RPE65: variants seen among roughly 807,000 people sequenced by gnomAD.
RPE65 encodes retinoid isomerohydrolase RPE65.
Under a neutral mutation model 68.5 loss-of-function variants are expected in RPE65, and 58 were observed. That is an observed-to-expected ratio of 0.85 (90% CI 0.69 to 1.05). RPE65 has a LOEUF of 1.05. Among genes scored for constraint, RPE65 ranks in the 50% least tolerant of loss-of-function variants. The probability of loss-of-function intolerance (pLI) is 0.00; values close to 1 mark genes in which losing one functional copy is unlikely to be tolerated. For missense variants in RPE65, 643 were observed against 629.9 expected (o/e 1.02, Z -0.22); for synonymous variants, 220 against 222.2 (o/e 0.99, Z 0.09).
At position 68,438,245 on chromosome 1, in the gene RPE65, G is replaced by A; in HGVS notation, c.1070C>T (p.Ala357Val). The A allele has an allele frequency of 6.2e-7, 1 of 1,613,790 alleles. No homozygotes were observed. Among genetic ancestry groups the A allele is most frequent in the Non-Finnish European group, 8.5e-7 (1 of 1,179,876 alleles). The change falls in exon 10 of 14, where the codon GCC (alanine) becomes GTC (valine). Residue 357 changes from alanine (A) to valine (V), a missense_variant. By Grantham distance (64) the Ala-to-Val change is moderately conservative (BLOSUM62 0). Coordinates refer to ENST00000262340, the MANE Select transcript of RPE65 (RefSeq NM_000329.3). The stretch of plus-strand genomic sequence containing the variant: ...AACTTCAGGTTGGGGAGCCTTTCTG[G>A]CATTTTTTTTCACCTCTTCCCAGTT... ...RENWEEVKKN[A>V]RKAPQPEVRR...
chr1:68,433,664 A>T (rs1460456950), intron 10 of RPE65, among the ~76,000 whole-genome samples: 1 of 152,156 alleles, frequency 6.6e-6, no homozygotes. Flanking sequence ...GAAGCCGGGA[A>T]ATGTAGCAGA....
intron 13 of RPE65, 138 bp downstream of exon 13, chr1:68,430,927 C>A (rs1292239504): frequency 1.4e-6 from 1 of 722,378 alleles, no homozygotes; most frequent in South Asian, 1.6e-5. Flanking sequence ...AGTTTTAATT[C>A]TTCAGTACTG....
rs1249568897 is a variant in RPE65, at chr1:68,429,542, T to G, written c.*234A>C. The G allele has an allele frequency of 3.6e-5, 19 of 523,672 alleles. No homozygotes were observed. Among genetic ancestry groups the G allele is most frequent in the African/African-American group, 3.3e-4 (17 of 52,208 alleles). The allele number at this position is 523,672 out of a possible 1,614,324, so 32.4% of individuals were successfully genotyped here. The stretch of plus-strand genomic sequence containing the variant: ...TGATTGCTAAATATTTAAGAGTTTT[T>G]CAGTTATGGCCTGTCTCACAGAGGA... On this transcript the variant is annotated 3_prime_UTR_variant, in exon 14 of 14. Transcript: ENST00000262340.
At chr1:68,440,594 T>C (rs1272712939) in intron 6 of RPE65, among the ~76,000 whole-genome samples, 1 of 152,210 alleles carries the variant, frequency 6.6e-6, no homozygotes. Flanking sequence ...TCCATATATA[T>C]ATATGTACTA....
chr1:68,434,457 A>T (rs912321613), intron 10 of RPE65, among the ~76,000 whole-genome samples: 3 of 152,066 alleles, frequency 2.0e-5, no homozygotes, highest in African/African-American at 7.2e-5. Flanking sequence ...AAATAGTGGA[A>T]GATTTTCAGA....
intron 10 of RPE65, among the ~76,000 whole-genome samples, chr1:68,432,055 T>C (rs1431136675): frequency 6.6e-6 from 1 of 151,436 alleles, no homozygotes; most frequent in African/African-American, 2.4e-5. Context: ...CTTACAGTTA[T>C]GTTGACAAAA....
Position 68,429,010 on chromosome 1 carries a change from C to G in RPE65, c.*766G>C, listed in dbSNP as rs1645801206. The G allele has an allele frequency of 6.6e-6, 1 of 151,544 alleles. No individual in the cohort carries two copies. The highest frequency in any genetic ancestry group is 1.5e-5 in the Non-Finnish European group (1 of 67,916). The allele number at this position is 151,544 out of a possible 1,614,324, so 9.4% of individuals were successfully genotyped here. A position where few individuals can be genotyped will look rare whatever the true frequency, so the allele number is the denominator to read the frequency against. ...TAATCCTGCAACATTATCCCATAAT[C>G]TGATTTTAGTAAATATTACATTTTT... On this transcript the variant is annotated 3_prime_UTR_variant, in exon 14 of 14. Transcript: ENST00000262340.
intron 3 of RPE65, among the ~76,000 whole-genome samples, chr1:68,446,390 T>A (rs1036260627): frequency 6.6e-6 from 1 of 152,194 alleles, no homozygotes; most frequent in Admixed American, 6.5e-5. Flanking sequence ...ATTCTATTAT[T>A]TCTCCCATTT....
At chr1:68,432,701 G>C (rs1340669331) in intron 10 of RPE65, among the ~76,000 whole-genome samples, 1 of 152,154 alleles carries the variant, frequency 6.6e-6, no homozygotes, top group African/African-American at 2.4e-5. Flanking sequence ...CTCTGTGAGT[G>C]AGTGATGGGA....
At position 68,441,054 on chromosome 1, in the gene RPE65, C is replaced by T. The variant is rs1235510277; in HGVS notation, c.496-54G>A. ...TTGAGAGAAGGAAGATACATTATAC[C>T]TTTGTCCCTAGGTCTGAGGTCATCA... On this transcript the variant is annotated intron_variant, in intron 5 of 13. Coordinates refer to ENST00000262340, the MANE Select transcript of RPE65 (RefSeq NM_000329.3). The T allele has an allele frequency of 2.0e-5, 32 of 1,604,718 alleles. No homozygotes were observed. In the East Asian group the frequency reaches 6.7e-4, roughly 34 times the overall value.
intron 10 of RPE65, among the ~76,000 whole-genome samples, chr1:68,433,065 GAGA>G (rs1645837964): frequency 1.3e-5 from 2 of 152,194 alleles, no homozygotes; most frequent in African/African-American, 4.8e-5. Context: ...GGGGGAAGAT[GAGA>G]AGTTCAAGTC....
chr1:68,444,796 G>T lies in RPE65; in HGVS notation c.333C>A (p.Pro111=). Residue 111 remains proline (P), a synonymous_variant, in exon 4 of 14, where the codon CCC becomes CCA. Transcript: ENST00000262340. ...TEFGTCAFPD[P]CKNIFSRFFS... Reference sequence around the variant, plus strand: ...GTAACCTGGAAAATATATTCTTGCAGGGATCTGGGAAAGCACAGGTGCCAA... The same window carrying T: ...GTAACCTGGAAAATATATTCTTGCATGGATCTGGGAAAGCACAGGTGCCAA... The T allele has an allele frequency of 6.8e-6, 11 of 1,614,152 alleles. No individual in the cohort carries two copies. Among genetic ancestry groups the T allele is most frequent in the Non-Finnish European group, 9.3e-6 (11 of 1,180,030 alleles).
intron 12 of RPE65, 30 bp downstream of exon 12, chr1:68,431,252 G>A: frequency 6.2e-7 from 1 of 1,610,266 alleles, no homozygotes; most frequent in Non-Finnish European, 8.5e-7. Context: ...TCAAAGCACT[G>A]TTCAAATATT....
intron 2 of RPE65, among the ~76,000 whole-genome samples, chr1:68,447,183 C>A (rs753385515): frequency 6.6e-6 from 1 of 152,090 alleles, no homozygotes; most frequent in East Asian, 1.9e-4. Context: ...AATCCATTTG[C>A]CTTTTGCCAT....
chr1:68,436,878 C>G (rs1328559912), intron 10 of RPE65, among the ~76,000 whole-genome samples: 1 of 152,154 alleles, frequency 6.6e-6, no homozygotes, highest in Admixed American at 6.5e-5. Flanking sequence ...TCCCTTACCC[C>G]TCACATGTAA....
chr1:68,443,518 C>G (rs978961307), intron 5 of RPE65, among the ~76,000 whole-genome samples: 3 of 152,128 alleles, frequency 2.0e-5, no homozygotes. Flanking sequence ...CGCTTTACCC[C>G]CTCCATCTAG....
At chr1:68,441,714 C>T (rs1447450378) in intron 5 of RPE65, among the ~76,000 whole-genome samples, 1 of 152,102 alleles carries the variant, frequency 6.6e-6, no homozygotes, top group African/African-American at 2.4e-5. Flanking sequence ...TAAATCAGCA[C>T]TAGATTTCCA....
intron 6 of RPE65, among the ~76,000 whole-genome samples, chr1:68,439,989 A>T (rs1645888508): frequency 6.6e-6 from 1 of 152,154 alleles, no homozygotes; most frequent in African/African-American, 2.4e-5. Context: ...ACATCTTAAG[A>T]TGCCCAAAGG....
chr1:68,430,389 T>C (rs1645817532), intron 13 of RPE65, among the ~76,000 whole-genome samples: 1 of 152,372 alleles, frequency 6.6e-6, no homozygotes, highest in Admixed American at 6.5e-5. Flanking sequence ...ATCTGGAAGC[T>C]GACTTCCTTC....
Sources: allele counts gnomAD v4.1 joint callset (sites outside exome capture counted in the v4.1 genomes callset), GRCh38; gene constraint gnomAD v4.1.1; transcripts MANE v1.5; gene names NCBI Gene and HGNC (gene_info 2026-07-23, HGNC 2026-07-21).